ADNP2: variants seen among roughly 807,000 people sequenced by gnomAD.
The protein encoded by ADNP2 is ADNP homeobox 2.
A neutral mutation model predicts 16.4 loss-of-function variants in ADNP2; 8 were observed. The ratio of observed to expected loss-of-function variants is 0.49; its 90% CI spans 0.29 to 0.88. ADNP2 has a LOEUF of 0.88. Ranked by LOEUF, ADNP2 falls within the 40% of genes least tolerant of loss-of-function variation. ADNP2 has a pLI of 0.09. For synonymous variants in ADNP2, 637 were observed against 545.8 expected (o/e 1.17, Z -2.33); for missense variants, 1,397 against 1,395.1 (o/e 1.00, Z -0.02).
At chr18:80,124,260 C>G (rs955134158) in intron 2 of ADNP2, among the ~76,000 whole-genome samples, 3 of 152,184 alleles carry the variant, frequency 2.0e-5, no homozygotes, top group Admixed American at 6.5e-5. Context: ...GTCTCTCTCT[C>G]TGTCTCATTT....
chr18:80,131,068 T>C (rs949016113), intron 2 of ADNP2, among the ~76,000 whole-genome samples: 2 of 152,182 alleles, frequency 1.3e-5, no homozygotes, highest in Non-Finnish European at 2.9e-5. Flanking sequence ...GCACGTAAGG[T>C]GGAGGCCTTC....
intron 2 of ADNP2, among the ~76,000 whole-genome samples, chr18:80,123,303 C>T (rs2052436917): frequency 6.6e-6 from 1 of 151,992 alleles, no homozygotes; most frequent in South Asian, 2.1e-4. Context: ...TTTTATTTGG[C>T]CCTCGTATCA....
At chr18:80,121,352 T>G (rs2052423611) in intron 2 of ADNP2, among the ~76,000 whole-genome samples, 1 of 152,264 alleles carries the variant, frequency 6.6e-6, no homozygotes. Context: ...TTTGGAAAAA[T>G]GCCTGTTGGC....
rs1460007614 is a variant in ADNP2 at position 80,127,756 on chromosome 18, G to A, written c.109-5347G>A. ...GAATTTTTAAGCATTGCTAGAGTGGGTCTGGAGAGCCTGGGACTGTGGAGA... is the reference window on the plus strand; with the variant it reads ...GAATTTTTAAGCATTGCTAGAGTGGATCTGGAGAGCCTGGGACTGTGGAGA... On this transcript the variant is annotated intron_variant, in intron 2 of 3. Transcript: ENST00000262198. Among the ~76,000 whole-genome samples the A allele has an allele frequency of 5.3e-5, 8 of 152,310 alleles. No individual in the cohort carries two copies. In the East Asian group the frequency reaches 1.2e-3, roughly 22 times the overall value.
rs1164225346 is a variant in ADNP2 at position 80,139,960 on chromosome 18, T to G, written c.*1151T>G. 2 of 152,088 alleles carry G rather than the reference T, an allele frequency of 1.3e-5. No individual in the cohort carries two copies. Among genetic ancestry groups the G allele is most frequent in the African/African-American group, 4.8e-5 (2 of 41,412 alleles). The allele number at this position is 152,088 out of a possible 1,614,324, so 9.4% of individuals were successfully genotyped here. A position where few individuals can be genotyped will look rare whatever the true frequency, so the allele number is the denominator to read the frequency against. On this transcript the variant is annotated 3_prime_UTR_variant, in exon 4 of 4. Transcript: ENST00000262198. ...TAAAGAATCTCCATTGTCGTCACTG[T>G]CCTGTGGATGTTAAACCTCGTTTTT...
intron 3 of ADNP2, 34 bp downstream of exon 3, chr18:80,133,226 C>T (rs1346563938): frequency 6.5e-7 from 1 of 1,531,662 alleles, no homozygotes; most frequent in East Asian, 2.2e-5. Flanking sequence ...TTCATGTTTC[C>T]TCAAAAGTGA....
At position 80,137,058 on chromosome 18, in the gene ADNP2, G is replaced by C; in HGVS notation, c.1645G>C (p.Val549Leu). The C allele has an allele frequency of 1.9e-6, 3 of 1,614,180 alleles. No individual in the cohort carries two copies. The highest frequency in any genetic ancestry group is 8.5e-7 in the Non-Finnish European group (1 of 1,180,028). Reference protein sequence around the residue: ...NSGVLQLSQPVVSGVLPVGQP... With the variant: ...NSGVLQLSQPLVSGVLPVGQP... ...TGGTGTTCTGCAGCTTAGTCAGCCT[G>C]TTGTGTCGGGAGTTCTTCCTGTGGG... Residue 549 changes from valine (V) to leucine (L), a missense_variant, in exon 4 of 4, where the codon GTT becomes CTT. Transcript: ENST00000262198. This position sits in a 1 kb window ranked among gnomAD's most constrained non-coding sequence, Gnocchi z 4.2.
At chr18:80,128,273 T>G (rs2052473404) in intron 2 of ADNP2, among the ~76,000 whole-genome samples, 1 of 152,250 alleles carries the variant, frequency 6.6e-6, no homozygotes, top group Admixed American at 6.5e-5. Context: ...TTGCTCTTTG[T>G]TGGAATCAGA....
At position 80,137,535 on chromosome 18, in the gene ADNP2, T is replaced by C; in HGVS notation, c.2122T>C (p.Tyr708His). The change falls in exon 4 of 4, where the codon TAC becomes CAC. Residue 708 changes from tyrosine to histidine, a missense_variant. Transcript: ENST00000262198. The surrounding 1 kb of genome is among the most constrained non-coding windows in gnomAD (Gnocchi z 4.2). ...VCNELFPSNV[Y>H]QVHMEVAHKH... is the part of the protein sequence containing the mutation. ...CAACGAGCTCTTTCCGTCCAACGTCTACCAGGTCCACATGGAGGTAGCGCA... is the reference window on the plus strand; with the variant it reads ...CAACGAGCTCTTTCCGTCCAACGTCCACCAGGTCCACATGGAGGTAGCGCA... 1.9e-6 allele frequency: 3 copies of C among 1,614,254 alleles called. No individual in the cohort carries two copies. The highest frequency in any genetic ancestry group is 2.2e-5 in the East Asian group (1 of 44,886).
chr18:80,121,678 G>C (rs772384550), intron 2 of ADNP2, among the ~76,000 whole-genome samples: 3 of 152,154 alleles, frequency 2.0e-5, no homozygotes, highest in Non-Finnish European at 4.4e-5. Flanking sequence ...CTCATGTTAA[G>C]TCGCTGATCT....
intron 1 of ADNP2, among the ~76,000 whole-genome samples, chr18:80,114,922 A>G (rs1224339519): frequency 1.3e-5 from 2 of 152,020 alleles, no homozygotes; most frequent in African/African-American, 4.8e-5. Context: ...CACTTTCTAC[A>G]CATGTGGTAT....
chr18:80,127,427 G>A (rs569607140), intron 2 of ADNP2, among the ~76,000 whole-genome samples: 16 of 136,998 alleles, frequency 1.2e-4, no homozygotes, highest in South Asian at 1.1e-3. Flanking sequence ...TCTTTTCTTC[G>A]GCAGCATCTA....
rs145248021 is a variant in ADNP2, at chr18:80,131,164, G to C, written c.109-1939G>C. 1.7e-3 allele frequency among the ~76,000 whole-genome samples: 261 copies of C among 152,294 alleles called. 1 individual carries two copies. Among genetic ancestry groups the C allele is most frequent in the African/African-American group, 5.7e-3 (237 of 41,572 alleles). On this transcript the variant is annotated intron_variant, in intron 2 of 3. Coordinates refer to ENST00000262198, the MANE Select transcript of ADNP2 (RefSeq NM_014913.4). ...CCCCTGCTCTGAGGATGCTGCTGCT[G>C]TGGGAGGTCTCGGCTCATGCATTTC...
chr18:80,136,229 A>G lies in ADNP2; in HGVS notation c.816A>G (p.Ala272=), dbSNP rs1342050193. Residue 272 remains alanine, a synonymous_variant, in exon 4 of 4, where the codon GCA becomes GCG. Transcript: ENST00000262198. ...KQTHIAPKPA[A]HLAAPANGSA... is the part of the protein sequence containing the mutation. ...CGCACATTGCTCCAAAACCAGCAGCACATTTGGCTGCACCAGCAAATGGCA... is the reference window on the plus strand; with the variant it reads ...CGCACATTGCTCCAAAACCAGCAGCGCATTTGGCTGCACCAGCAAATGGCA... The G allele has an allele frequency of 5.6e-6, 9 of 1,614,142 alleles. No homozygotes were observed. The highest frequency in any genetic ancestry group is 2.7e-5 in the African/African-American group (2 of 74,962).
chr18:80,132,845 G>A lies in ADNP2; in HGVS notation c.109-258G>A, dbSNP rs555947875. On this transcript the variant is annotated intron_variant, in intron 2 of 3. Transcript: ENST00000262198. ...AGCAATTCTCCTGCCTCAGCCTCCC[G>A]AGTAGCTTGGAGTACAGGCATGTGC... is the stretch of plus-strand genomic sequence containing the variant. Among the ~76,000 whole-genome samples the A allele has an allele frequency of 5.9e-5, 9 of 151,996 alleles. No homozygotes were observed. The South Asian group carries it at 1.9e-3, about 32-fold the overall frequency.
intron 2 of ADNP2, among the ~76,000 whole-genome samples, chr18:80,128,825 TA>T (rs1284102230): frequency 6.6e-6 from 1 of 152,170 alleles, no homozygotes; most frequent in African/African-American, 2.4e-5. Context: ...AATAATACTG[TA>T]ATCTATGAAT....
At chr18:80,121,485 G>T (rs1309088282) in intron 2 of ADNP2, among the ~76,000 whole-genome samples, 4 of 152,166 alleles carry the variant, frequency 2.6e-5, no homozygotes, top group African/African-American at 9.7e-5. Flanking sequence ...TCTTCTACAG[G>T]TTGTCTTTAC....
chr18:80,135,051 T>C (rs1568414560), intron 3 of ADNP2, among the ~76,000 whole-genome samples: 1 of 152,198 alleles, frequency 6.6e-6, no homozygotes, highest in Non-Finnish European at 1.5e-5. Context: ...AAAATAACTT[T>C]CTTTTGTAGA....
chr18:80,136,315 C>G lies in ADNP2; in HGVS notation c.902C>G (p.Pro301Arg). 6.2e-7 allele frequency: 1 copy of G among 1,614,114 alleles called. No individual in the cohort carries two copies. Among genetic ancestry groups the G allele is most frequent in the South Asian group, 1.1e-5 (1 of 91,080 alleles). ...CATCTTGCTTTGCCACAGAACAGTC[C>G]AAGCCCAGCCGCAGGACAGCCAGTG... ...CFHLALPQNSPSPAAGQPVTV... is the reference protein window; with the variant it reads ...CFHLALPQNSRSPAAGQPVTV... The change falls in exon 4 of 4, where the codon CCA becomes CGA. Residue 301 changes from proline to arginine, a missense_variant. Physicochemically the swap from Pro to Arg is moderately radical, Grantham distance 103. Coordinates refer to ENST00000262198, the MANE Select transcript of ADNP2 (RefSeq NM_014913.4).
Sources: gnomAD v4.1 joint callset for allele counts (sites outside exome capture counted in the v4.1 genomes callset) on GRCh38, gnomAD v4.1.1 for gene constraint, Gnocchi (gnomAD v3.1) non-coding constraint, MANE v1.5 for transcripts, NCBI Gene and HGNC (gene_info 2026-07-23, HGNC 2026-07-21) for gene names.